Variants in ZC3H12B observed in about 807,000 individuals in gnomAD.
ZC3H12B encodes the protein zinc finger CCCH-type containing 12B.
ZC3H12B carries 7 observed loss-of-function variants against 43.9 expected under a neutral mutation model. The observed-to-expected ratio is 0.16, with a 90% CI of 0.09 to 0.30. The LOEUF (loss-of-function observed/expected upper bound fraction) is 0.30. Among genes scored for constraint, ZC3H12B ranks in the 10% least tolerant of loss-of-function variants. ZC3H12B has a pLI of 1.00. For missense variants in ZC3H12B, 475 were observed against 670.2 expected (o/e 0.71, Z 3.22); for synonymous variants, 222 against 241.7 (o/e 0.92, Z 0.76).
chrX:65,190,648 TG>T, the ZC3H12B span, among the ~76,000 whole-genome samples: 16 of 109,388 alleles, frequency 1.5e-4, no homozygotes, highest in East Asian at 4.0e-3. Context: ...ACATTGATTT[TG>T]TATCCTGAGA....
the ZC3H12B span, among the ~76,000 whole-genome samples, chrX:65,243,776 ATAT>A: frequency 5.4e-5 from 6 of 111,715 alleles, no homozygotes; most frequent in Non-Finnish European, 1.1e-4. Context: ...ACACAATGGA[ATAT>A]TATTCAGCAA....
chrX:65,447,175 A>G (rs2067388862), intron 3 of ZC3H12B, among the ~76,000 whole-genome samples: 1 of 111,280 alleles, frequency 9.0e-6, no homozygotes, highest in Non-Finnish European at 1.9e-5. Flanking sequence ...AACCCACTTG[A>G]TGGTGGTTCA....
chrX:65,101,217 A>C, the ZC3H12B span, among the ~76,000 whole-genome samples: 1 of 112,279 alleles, frequency 8.9e-6, no homozygotes, highest in Non-Finnish European at 1.9e-5. Flanking sequence ...GATACAATGT[A>C]CCAGAATCTC....
chrX:65,162,743 G>A, the ZC3H12B span, among the ~76,000 whole-genome samples: 12 of 109,136 alleles, frequency 1.1e-4, no homozygotes, highest in African/African-American at 3.2e-4. Context: ...TAGTTTGATC[G>A]TCTGAAGCCT....
intron 3 of ZC3H12B, among the ~76,000 whole-genome samples, chrX:65,409,172 G>A (rs1233724961): frequency 3.6e-5 from 4 of 110,703 alleles, no homozygotes; most frequent in African/African-American, 1.3e-4. Flanking sequence ...AAAAAAATAG[G>A]CTTTGTGTAT....
the ZC3H12B span, among the ~76,000 whole-genome samples, chrX:65,144,165 T>G: frequency 8.9e-6 from 1 of 111,745 alleles, no homozygotes; most frequent in African/African-American, 3.3e-5. Context: ...TAATTACAAT[T>G]TCAATCTCAC....
chrX:65,050,680 A>G, the ZC3H12B span, among the ~76,000 whole-genome samples: 1 of 111,640 alleles, frequency 9.0e-6, no homozygotes, highest in Non-Finnish European at 1.9e-5. Flanking sequence ...TGAGATGACC[A>G]TGGAATTTTT....
chrX:65,120,271 A>C, the ZC3H12B span, among the ~76,000 whole-genome samples: 2 of 112,009 alleles, frequency 1.8e-5, no homozygotes, highest in African/African-American at 6.5e-5. Context: ...GATTCTTGCT[A>C]TCCATGAGCA....
At chrX:65,426,716 T>A (rs932042023) in intron 3 of ZC3H12B, among the ~76,000 whole-genome samples, 1 of 112,150 alleles carries the variant, frequency 8.9e-6, no homozygotes, top group Non-Finnish European at 1.9e-5. Context: ...CTGTCTTAGT[T>A]TCACTTTTTA....
chrX:65,161,378 T>G, the ZC3H12B span, among the ~76,000 whole-genome samples: 1 of 111,367 alleles, frequency 9.0e-6, no homozygotes, highest in Non-Finnish European at 1.9e-5. Flanking sequence ...AATCTCCCAT[T>G]ATTATTGTGT....
At chrX:65,154,119 T>C in the ZC3H12B span, among the ~76,000 whole-genome samples, 3 of 111,216 alleles carry the variant, frequency 2.7e-5, 1 homozygote, top group Non-Finnish European at 5.7e-5. Flanking sequence ...TTAGGAGATA[T>C]ACCTAATGTT....
chrX:65,320,966 A>G, the ZC3H12B span, among the ~76,000 whole-genome samples: 3 of 112,431 alleles, frequency 2.7e-5, no homozygotes, highest in Non-Finnish European at 5.6e-5. Context: ...CTTAGGCAAT[A>G]CCATTTTGAA....
chrX:65,192,088 A>G, the ZC3H12B span, among the ~76,000 whole-genome samples: 1 of 110,059 alleles, frequency 9.1e-6, no homozygotes, highest in Admixed American at 9.7e-5. Flanking sequence ...CAGGTTGTTC[A>G]GTTTCCATGT....
At chrX:65,109,391 A>G in the ZC3H12B span, among the ~76,000 whole-genome samples, 1 of 111,690 alleles carries the variant, frequency 9.0e-6, no homozygotes, top group Non-Finnish European at 1.9e-5. Flanking sequence ...CCACTAATCT[A>G]CTTTCTGTTT....
intron 3 of ZC3H12B, among the ~76,000 whole-genome samples, chrX:65,410,107 G>GAAAAA: frequency 2.2e-5 from 1 of 45,529 alleles, no homozygotes; most frequent in Non-Finnish European, 6.1e-5. Flanking sequence ...TATTAAATCA[G>GAAAAA]AAAAAAAAAA....
At chrX:65,071,429 A>G in the ZC3H12B span, among the ~76,000 whole-genome samples, 15 of 107,778 alleles carry the variant, frequency 1.4e-4, no homozygotes, top group Admixed American at 8.0e-4. Context: ...TGTGCCTTTT[A>G]GTTGGGGAAT....
the ZC3H12B span, among the ~76,000 whole-genome samples, chrX:65,295,078 T>G: frequency 2.7e-5 from 3 of 111,525 alleles, no homozygotes; most frequent in African/African-American, 6.5e-5. Context: ...ACATGAAAAT[T>G]TATCCAAGAT....
chrX:65,294,849 A>C, the ZC3H12B span, among the ~76,000 whole-genome samples: 1 of 111,326 alleles, frequency 9.0e-6, no homozygotes, highest in Non-Finnish European at 1.9e-5. Flanking sequence ...TCAAATCTAC[A>C]AAACTATAAG....
At chrX:65,353,784 G>T in the ZC3H12B span, among the ~76,000 whole-genome samples, 1 of 111,527 alleles carries the variant, frequency 9.0e-6, no homozygotes, top group Non-Finnish European at 1.9e-5. Flanking sequence ...GTGGGGAGGG[G>T]TGTCCACCAT....
Sources: allele counts gnomAD v4.1 joint callset (sites outside exome capture counted in the v4.1 genomes callset), GRCh38; gene constraint gnomAD v4.1.1; transcripts MANE v1.5; gene names NCBI Gene and HGNC (gene_info 2026-07-23, HGNC 2026-07-21).